The following SULF1 variants were observed in gnomAD, a reference collection of about 807,000 sequenced individuals.
The protein encoded by SULF1 is extracellular sulfatase Sulf-1.
Under a neutral mutation model 110.5 loss-of-function variants are expected in SULF1, and 46 were observed. That is an observed-to-expected ratio of 0.42 (90% CI 0.33 to 0.53). SULF1 has a LOEUF of 0.53. SULF1 is among the 20% of genes least tolerant of loss of function. The pLI is 0.12. For missense variants in SULF1, 941 were observed against 1,094.2 expected (o/e 0.86, Z 1.98); for synonymous variants, 371 against 387.1 (o/e 0.96, Z 0.49).
At chr8:69,617,272 A>G (rs1809225517) in intron 13 of SULF1, among the ~76,000 whole-genome samples, 1 of 150,648 alleles carries the variant, frequency 6.6e-6, no homozygotes. Flanking sequence ...CCTGGGCTCA[A>G]GTGATCTTCC....
intron 3 of SULF1, among the ~76,000 whole-genome samples, chr8:69,516,147 A>C (rs569591660): frequency 8.5e-5 from 13 of 152,132 alleles, no homozygotes; most frequent in Non-Finnish European, 1.8e-4. Flanking sequence ...TCTGATACCA[A>C]TTTTCTTTAT....
At chr8:69,572,424 T>C (rs1011276336) in intron 5 of SULF1, among the ~76,000 whole-genome samples, 4 of 152,210 alleles carry the variant, frequency 2.6e-5, no homozygotes, top group African/African-American at 9.7e-5. Context: ...TCAAATTAAT[T>C]GCTCATGTGA....
chr8:69,586,253 C>G (rs1315547384), intron 6 of SULF1, 104 bp from the exon 7 acceptor site: 1 of 1,256,360 alleles, frequency 8.0e-7, no homozygotes, highest in Non-Finnish European at 1.1e-6. Context: ...CCTAGGGCAA[C>G]TTTTGTTTTA....
Position 69,576,012 on chromosome 8 carries a change from A to T in SULF1, c.215A>T (p.His72Leu). ...AACAAAACGAGAAAGATTATGGAAC[A>T]TGGGGGGGCCACCTTCATCAATGCC... ...VMNKTRKIME[H>L]GGATFINAFV... The change falls in exon 6 of 23, where the codon CAT (histidine) becomes CTT (leucine). Residue 72 changes from histidine (H) to leucine (L), a missense_variant. His to Leu is a moderately conservative substitution (Grantham distance 99, BLOSUM62 -3). This residue lies in a region of SULF1 where 822 missense variants were observed against 934.3 expected (regional missense o/e 0.88). Coordinates refer to ENST00000402687, the MANE Select transcript of SULF1 (RefSeq NM_001128205.2). 1 of 1,614,120 alleles carries T rather than the reference A, an allele frequency of 6.2e-7. No homozygotes were observed. Among genetic ancestry groups the T allele is most frequent in the Non-Finnish European group, 8.5e-7 (1 of 1,179,992 alleles).
At chr8:69,558,807 C>A (rs1815287557) in intron 3 of SULF1, among the ~76,000 whole-genome samples, 1 of 152,244 alleles carries the variant, frequency 6.6e-6, no homozygotes, top group South Asian at 2.1e-4. Context: ...CTTGCCCCAA[C>A]AGTTTTTATG....
chr8:69,564,052 G>C lies in SULF1; in HGVS notation c.77G>C (p.Arg26Thr). Residue 26 changes from arginine to threonine, a missense_variant, in exon 5 of 23, where the codon AGA becomes ACA. Physicochemically the swap from Arg to Thr is moderately conservative, Grantham distance 71. Transcript: ENST00000402687. The part of the protein sequence containing the change: ...ELLGSLCSTV[R>T]SPRFRGRIQQ... ...CTGGGAAGCCTCTGTTCGACTGTCA[G>C]ATCCCCGAGGTTCAGAGGACGGATA... is the stretch of plus-strand genomic sequence containing the variant. The C allele has an allele frequency of 6.2e-7, 1 of 1,614,180 alleles. No homozygotes were observed. Among genetic ancestry groups the C allele is most frequent in the Non-Finnish European group, 8.5e-7 (1 of 1,180,030 alleles).
Position 69,499,707 on chromosome 8 carries a change from A to G in SULF1, c.-228-2167A>G, listed in dbSNP as rs536663396. ...TTAGGCTGCCTCTGTTCTTTCTTCA[A>G]TAGCCCATAACAATTAAATTATTAT... is the stretch of plus-strand genomic sequence containing the variant. On this transcript the variant is annotated intron_variant, in intron 2 of 22. Coordinates refer to ENST00000402687, the MANE Select transcript of SULF1 (RefSeq NM_001128205.2). Among the ~76,000 whole-genome samples the G allele has an allele frequency of 2.6e-5, 4 of 152,202 alleles. No individual in the cohort carries two copies. In the East Asian group the frequency reaches 5.8e-4, roughly 22 times the overall value.
In SULF1 at chr8:69,493,448, TACACACACACACACACAC is replaced by T. The variant is rs56867664; in HGVS notation, c.-391+348_-391+365del. Among the ~76,000 whole-genome samples the T allele has an allele frequency of 4.2e-3, 610 of 144,382 alleles. 6 individuals carry two copies. The highest frequency in any genetic ancestry group is 0.024 in the Admixed American group (346 of 14,518). 94.7% of individuals were successfully genotyped at this position (144,382 alleles called of 152,430 possible). The stretch of plus-strand genomic sequence containing the variant: ...CACCACACACACACACACACAACAC[TACACACACACACACACAC>T]ACACACACACACACACACACACACT... On this transcript the variant is annotated intron_variant, in intron 1 of 22. Transcript: ENST00000402687.
Position 69,603,639 on chromosome 8 carries a change from A to G in SULF1, c.1230A>G (p.Thr410=). 3 of 1,613,490 alleles carry G rather than the reference A, an allele frequency of 1.9e-6. No homozygotes were observed. The highest frequency in any genetic ancestry group is 1.3e-5 in the African/African-American group (1 of 75,046). Reference sequence around the variant, plus strand: ...AGAAGGCCAAAATTTGGCGTGATACATTCCTAGTGGAAAGAGGGTAATTAT... The same window carrying G: ...AGAAGGCCAAAATTTGGCGTGATACGTTCCTAGTGGAAAGAGGGTAATTAT... ...TNKKAKIWRD[T]FLVERGKFLR... The change falls in exon 12 of 23, where the codon ACA becomes ACG. Residue 410 remains threonine, a synonymous_variant. Coordinates refer to ENST00000402687, the MANE Select transcript of SULF1 (RefSeq NM_001128205.2).
chr8:69,641,165 G>A (rs1811444073), intron 22 of SULF1: 1 of 246,476 alleles, frequency 4.1e-6, no homozygotes, highest in Admixed American at 5.5e-5. Context: ...GAAAGGGTGG[G>A]AGATTTATTT....
At chr8:69,548,964 C>T (rs1393955570) in intron 3 of SULF1, among the ~76,000 whole-genome samples, 2 of 152,134 alleles carry the variant, frequency 1.3e-5, no homozygotes, top group African/African-American at 2.4e-5. Context: ...TGAAGGGAAC[C>T]AACATCCCCA....
At chr8:69,537,391 T>G (rs903671890) in intron 3 of SULF1, among the ~76,000 whole-genome samples, 1 of 152,214 alleles carries the variant, frequency 6.6e-6, no homozygotes, top group Non-Finnish European at 1.5e-5. Context: ...AACCTCAACC[T>G]TGTCTTCTAT....
At chr8:69,534,120 A>G (rs1049262536) in intron 3 of SULF1, among the ~76,000 whole-genome samples, 3 of 152,212 alleles carry the variant, frequency 2.0e-5, no homozygotes, top group African/African-American at 7.2e-5. Flanking sequence ...ACATAATGGA[A>G]GTTCATCCTG....
intron 5 of SULF1, among the ~76,000 whole-genome samples, chr8:69,565,777 G>A (rs1815832160): frequency 6.6e-6 from 1 of 152,100 alleles, no homozygotes. Flanking sequence ...AATGAGTTCT[G>A]AGCCTTGCGG....
intron 6 of SULF1, among the ~76,000 whole-genome samples, chr8:69,577,270 T>C (rs1006117052): frequency 6.6e-6 from 1 of 152,226 alleles, no homozygotes; most frequent in Non-Finnish European, 1.5e-5. Context: ...TTTAAATTTA[T>C]AGCACCTTTC....
chr8:69,600,608 C>A lies in SULF1; in HGVS notation c.740C>A (p.Pro247His), dbSNP rs752648597. 1.2e-6 allele frequency: 2 copies of A among 1,603,798 alleles called. No homozygotes were observed. Among genetic ancestry groups the A allele is most frequent in the African/African-American group, 2.7e-5 (2 of 74,730 alleles). The change falls in exon 9 of 23, where the codon CCT (proline) becomes CAT (histidine). Residue 247 changes from proline (P) to histidine (H), a missense_variant. This residue lies in a region of SULF1 where 822 missense variants were observed against 934.3 expected (regional missense o/e 0.88). Coordinates refer to ENST00000402687, the MANE Select transcript of SULF1 (RefSeq NM_001128205.2). ...TCCTTTCTGGATATTTTCAGAACTC[C>A]TAGTTATAACTATGCACCAAATATG... ...LYPNASQHIT[P>H]SYNYAPNMDK...
intron 3 of SULF1, among the ~76,000 whole-genome samples, chr8:69,512,720 C>T (rs1205428153): frequency 2.0e-5 from 3 of 151,998 alleles, no homozygotes; most frequent in African/African-American, 4.8e-5. Flanking sequence ...CCTTCACCTC[C>T]CCCCTCTTAA....
Position 69,547,634 on chromosome 8 carries a change from C to T in SULF1, c.-133-15905C>T, listed in dbSNP as rs182001899. On this transcript the variant is annotated intron_variant, in intron 3 of 22. Transcript: ENST00000402687. ...AACTCACAGAGAGTATCACACACAC[C>T]CCAGGAAGCCCTGGGGCCTTTCAAA... 7.9e-5 allele frequency among the ~76,000 whole-genome samples: 12 copies of T among 152,216 alleles called. No individual in the cohort carries two copies. In the East Asian group the frequency reaches 2.3e-3, roughly 30 times the overall value.
chr8:69,536,625 T>C (rs141223124), intron 3 of SULF1, among the ~76,000 whole-genome samples: 125 of 152,260 alleles, frequency 8.2e-4, no homozygotes, highest in African/African-American at 2.9e-3. Flanking sequence ...TTTAAAATAA[T>C]CACTTAACAA....
Sources: gnomAD v4.1 joint callset for allele counts (sites outside exome capture counted in the v4.1 genomes callset) on GRCh38, gnomAD v4.1.1 for gene constraint, gnomAD v4.1.1 regional missense constraint, MANE v1.5 for transcripts, NCBI Gene and HGNC (gene_info 2026-07-23, HGNC 2026-07-21) for gene names.